The following PKHD1 variants were observed in gnomAD, a reference collection of about 807,000 sequenced individuals.
PKHD1 encodes PKHD1 ciliary IPT domain containing fibrocystin/polyductin.
A neutral mutation model predicts 412.0 loss-of-function variants in PKHD1; 291 were observed. That is an observed-to-expected ratio of 0.71 (90% CI 0.64 to 0.78). The LOEUF is 0.78. Among genes scored for constraint, PKHD1 ranks in the 30% least tolerant of loss-of-function variants. The pLI, the probability that PKHD1 is intolerant of heterozygous loss-of-function variation, is 0.00. For synonymous variants in PKHD1, 1,777 were observed against 1,821.5 expected (o/e 0.98, Z 0.62); for missense variants, 4,825 against 4,950.7 (o/e 0.97, Z 0.76).
At chr6:51,837,433 G>T (rs936070668) in intron 50 of PKHD1, among the ~76,000 whole-genome samples, 1 of 152,134 alleles carries the variant, frequency 6.6e-6, no homozygotes, top group South Asian at 2.1e-4. Flanking sequence ...GCAGCCAGGC[G>T]CTGTGGCTCA....
intron 35 of PKHD1, among the ~76,000 whole-genome samples, chr6:51,973,789 T>C (rs1793992127): frequency 6.6e-6 from 1 of 152,232 alleles, no homozygotes; most frequent in African/African-American, 2.4e-5. Context: ...TGGCTCTGTT[T>C]TGCTTTAAGA....
chr6:51,753,306 C>G lies in PKHD1; in HGVS notation c.8845G>C (p.Glu2949Gln). 2 of 1,613,786 alleles carry G rather than the reference C, an allele frequency of 1.2e-6. No individual in the cohort carries two copies. Among genetic ancestry groups the G allele is most frequent in the Non-Finnish European group, 8.5e-7 (1 of 1,179,766 alleles). ...EDGRHIRLAAEVGLLTRNIQI... is the reference protein window; with the variant it reads ...EDGRHIRLAAQVGLLTRNIQI... ...ATATTTCGGGTCAACAGTCCAACCT[C>G]AGCAGCCAAACGAATGTGTCGGCCA... The change falls in exon 57 of 67, where the codon GAG becomes CAG. Residue 2949 changes from glutamate (E) to glutamine (Q), a missense_variant. By Grantham distance (29) the Glu-to-Gln change is conservative. Coordinates refer to ENST00000371117, the MANE Select transcript of PKHD1 (RefSeq NM_138694.4).
rs545484645 is a variant in PKHD1 at position 51,758,900 on chromosome 6, G to A, written c.8643-3962C>T. Among the ~76,000 whole-genome samples, 4 of 152,268 alleles carry A rather than the reference G, an allele frequency of 2.6e-5. No homozygotes were observed. The South Asian group carries it at 6.2e-4, about 24-fold the overall frequency. ...ACAAAAATGTGTAAGACATTCACGT[G>A]TAAACACCTACAACTTAAATGAATT... On this transcript the variant is annotated intron_variant, in intron 55 of 66. Coordinates refer to ENST00000371117, the MANE Select transcript of PKHD1 (RefSeq NM_138694.4).
chr6:52,060,716 C>G (rs1808545381), intron 14 of PKHD1, among the ~76,000 whole-genome samples: 1 of 152,004 alleles, frequency 6.6e-6, no homozygotes, highest in African/African-American at 2.4e-5. Flanking sequence ...ATGCTATTTT[C>G]TTAAATCTTC....
At chr6:51,828,752 A>G (rs1341444971) in intron 52 of PKHD1, among the ~76,000 whole-genome samples, 1 of 152,050 alleles carries the variant, frequency 6.6e-6, no homozygotes, top group African/African-American at 2.4e-5. Flanking sequence ...TGGAGAGTTC[A>G]GAGAGAGACA....
At chr6:51,714,461 A>G (rs1410433512) in intron 60 of PKHD1, among the ~76,000 whole-genome samples, 3 of 152,226 alleles carry the variant, frequency 2.0e-5, no homozygotes, top group Non-Finnish European at 4.4e-5. Context: ...ATGGAAGTGC[A>G]TGACGGGCCA....
chr6:51,664,683 G>C (rs976918258), intron 60 of PKHD1, among the ~76,000 whole-genome samples: 3 of 152,114 alleles, frequency 2.0e-5, no homozygotes, highest in African/African-American at 7.2e-5. Flanking sequence ...CAAATGCCAG[G>C]CTTCTCAACT....
intron 53 of PKHD1, among the ~76,000 whole-genome samples, chr6:51,778,819 C>T (rs1791496015): frequency 6.6e-6 from 1 of 152,236 alleles, no homozygotes; most frequent in East Asian, 1.9e-4. Flanking sequence ...ACATGACTCA[C>T]CAGACCTTGT....
At chr6:51,848,664 G>C (rs916307721) in intron 49 of PKHD1, among the ~76,000 whole-genome samples, 1 of 152,136 alleles carries the variant, frequency 6.6e-6, no homozygotes, top group Non-Finnish European at 1.5e-5. Context: ...CAAGAAAAGA[G>C]AGGCGTACAT....
chr6:51,873,978 G>C (rs1052963220), intron 46 of PKHD1, among the ~76,000 whole-genome samples: 7 of 152,192 alleles, frequency 4.6e-5, no homozygotes, highest in Non-Finnish European at 7.3e-5. Flanking sequence ...GAAACCACTA[G>C]AGAAAATGAG....
intron 36 of PKHD1, among the ~76,000 whole-genome samples, chr6:51,947,059 T>C (rs1287865446): frequency 1.3e-5 from 2 of 152,240 alleles, no homozygotes; most frequent in Non-Finnish European, 2.9e-5. Flanking sequence ...TCTTCAACTC[T>C]TTTTCATGAC....
intron 43 of PKHD1, among the ~76,000 whole-genome samples, chr6:51,895,838 G>C (rs967699622): frequency 2.0e-5 from 3 of 152,058 alleles, no homozygotes; most frequent in Admixed American, 1.3e-4. Context: ...AGCAGGGTGA[G>C]GCATTGCCTC....
intron 60 of PKHD1, among the ~76,000 whole-genome samples, chr6:51,708,609 C>A (rs773810237): frequency 6.6e-6 from 1 of 152,188 alleles, no homozygotes; most frequent in African/African-American, 2.4e-5. Context: ...GGTTGGACTT[C>A]TTTTCATTTG....
chr6:51,626,968 T>C (rs1433877889), intron 66 of PKHD1, 29 bp downstream of exon 66: 1 of 1,612,036 alleles, frequency 6.2e-7, no homozygotes. Flanking sequence ...GTCTCTCCTG[T>C]GGGGATCATC....
intron 52 of PKHD1, among the ~76,000 whole-genome samples, chr6:51,820,903 A>T (rs939328603): frequency 6.6e-6 from 1 of 152,344 alleles, no homozygotes; most frequent in Non-Finnish European, 1.5e-5. Flanking sequence ...GAAATCATGA[A>T]TTATTTAATT....
Position 52,069,322 on chromosome 6 carries a change from A to G in PKHD1, c.778+135T>C, listed in dbSNP as rs907237526. ...ACAAGCAATTTAATCTCAACCAAAA[A>G]CACCAGGCTGTCTATGATTGTAGGG... On this transcript the variant is annotated intron_variant, in intron 11 of 66. Coordinates refer to ENST00000371117, the MANE Select transcript of PKHD1 (RefSeq NM_138694.4). The G allele has an allele frequency of 2.0e-4, 152 of 764,222 alleles. 1 individual carries two copies. The highest frequency in any genetic ancestry group is 4.8e-4 in the Middle Eastern group (2 of 4,188). The allele number at this position is 764,222 out of a possible 1,614,324, so 47.3% of individuals were successfully genotyped here.
intron 58 of PKHD1, 81 bp downstream of exon 58, chr6:51,747,706 G>T (rs2150980033): frequency 8.1e-7 from 1 of 1,241,660 alleles, no homozygotes; most frequent in Non-Finnish European, 1.2e-6. Context: ...CCTTTTTGTT[G>T]ATAAAATTTC....
At chr6:51,699,500 A>C (rs768476534) in intron 60 of PKHD1, among the ~76,000 whole-genome samples, 3 of 152,120 alleles carry the variant, frequency 2.0e-5, no homozygotes, top group Non-Finnish European at 4.4e-5. Flanking sequence ...CCAGTTTTTG[A>C]CTGTCACAAA....
intron 60 of PKHD1, among the ~76,000 whole-genome samples, chr6:51,694,767 A>G (rs923927319): frequency 2.0e-5 from 3 of 151,846 alleles, no homozygotes; most frequent in African/African-American, 7.3e-5. Context: ...TGCTATTACA[A>G]TTATGTTGGG....
Sources: allele counts gnomAD v4.1 joint callset (sites outside exome capture counted in the v4.1 genomes callset), GRCh38; gene constraint gnomAD v4.1.1; transcripts MANE v1.5; gene names NCBI Gene and HGNC (gene_info 2026-07-23, HGNC 2026-07-21).